Variants in ATP8B4 observed in about 807,000 individuals in gnomAD.
The protein encoded by ATP8B4 is probable phospholipid-transporting ATPase IM.
A neutral mutation model predicts 145.6 loss-of-function variants in ATP8B4; 133 were observed. The ratio of observed to expected loss-of-function variants is 0.91; its 90% CI spans 0.79 to 1.05. The LOEUF is 1.05. Ranked by LOEUF, ATP8B4 falls within the 50% of genes least tolerant of loss-of-function variation. The probability of loss-of-function intolerance (pLI) is 0.00; values close to 1 mark genes in which losing one functional copy is unlikely to be tolerated. For synonymous variants in ATP8B4, 507 were observed against 492.9 expected (o/e 1.03, Z -0.38); for missense variants, 1,458 against 1,425.2 (o/e 1.02, Z -0.37).
chr15:50,120,983 T>C (rs139099015), upstream of ATP8B4, among the ~76,000 whole-genome samples: 213 of 152,286 alleles, frequency 1.4e-3, 2 homozygotes, highest in African/African-American at 4.9e-3. Flanking sequence ...AAGTAGAGAC[T>C]CAATAAATTT....
chr15:50,025,393 C>G (rs1362870483), intron 6 of ATP8B4, among the ~76,000 whole-genome samples: 1 of 152,184 alleles, frequency 6.6e-6, no homozygotes, highest in Non-Finnish European at 1.5e-5. Context: ...TGCCCCTGCT[C>G]TTCTCTCCGC....
chr15:49,909,490 G>A lies in ATP8B4; in HGVS notation c.2141+7444C>T, dbSNP rs975371419. Among the ~76,000 whole-genome samples the A allele has an allele frequency of 2.0e-5, 3 of 152,042 alleles. No homozygotes were observed. In the South Asian group the frequency reaches 6.2e-4, roughly 32 times the overall value. The stretch of plus-strand genomic sequence containing the variant: ...CACTGTTTCTACTGCTGTCACCTGA[G>A]CAAGCCTCCTGGTGGCCCAAGAATC... On this transcript the variant is annotated intron_variant, in intron 20 of 27. Coordinates refer to ENST00000284509, the MANE Select transcript of ATP8B4 (RefSeq NM_024837.4).
At chr15:49,971,986 G>A (rs956643521) in intron 13 of ATP8B4, among the ~76,000 whole-genome samples, 1 of 152,124 alleles carries the variant, frequency 6.6e-6, no homozygotes, top group African/African-American at 2.4e-5. Context: ...CATGGGTGAG[G>A]CTGGAAACCA....
chr15:49,981,104 C>T lies in ATP8B4; in HGVS notation c.837+102G>A, dbSNP rs1599600143. 5 of 990,614 alleles carry T rather than the reference C, an allele frequency of 5.0e-6. No homozygotes were observed. In the East Asian group the frequency reaches 1.3e-4, roughly 25 times the overall value. 61.4% of individuals were successfully genotyped at this position (990,614 alleles called of 1,614,324 possible). ...CAAATGCAAAATCCCCAAAAACAAA[C>T]TCCACAAGGAGAATGTAGGCTTCTT... On this transcript the variant is annotated intron_variant, in intron 11 of 27. Coordinates refer to ENST00000284509, the MANE Select transcript of ATP8B4 (RefSeq NM_024837.4).
At chr15:50,155,414 C>G (rs1252390323) in intron 1 of ATP8B4, among the ~76,000 whole-genome samples, 1 of 151,954 alleles carries the variant, frequency 6.6e-6, no homozygotes, top group African/African-American at 2.4e-5. Context: ...CTTAAAACAA[C>G]TAATGAAGAA....
At chr15:49,941,811 G>A (rs1254705976) in intron 14 of ATP8B4, among the ~76,000 whole-genome samples, 2 of 152,142 alleles carry the variant, frequency 1.3e-5, no homozygotes, top group African/African-American at 2.4e-5. Flanking sequence ...CAACTGATGA[G>A]TAAATAAAGA....
chr15:50,048,667 C>G lies in ATP8B4; in HGVS notation c.88-1203G>C, dbSNP rs373642289. The stretch of plus-strand genomic sequence containing the variant: ...AGGTCGCAGTGAGCCGGAATTGCAC[C>G]ACTGCACTCCAGCCTGGGTGATGGA... On this transcript the variant is annotated intron_variant, in intron 3 of 27. Transcript: ENST00000284509. 9.3e-5 allele frequency among the ~76,000 whole-genome samples: 14 copies of G among 151,166 alleles called. No homozygotes were observed. In the East Asian group the frequency reaches 2.7e-3, roughly 30 times the overall value.
At chr15:50,053,929 A>T (rs1367986006) in intron 3 of ATP8B4, among the ~76,000 whole-genome samples, 1 of 152,244 alleles carries the variant, frequency 6.6e-6, no homozygotes, top group African/African-American at 2.4e-5. Flanking sequence ...CATTTGGAGC[A>T]TTTGGGAGAT....
chr15:50,100,117 A>G (rs1050176826), intron 2 of ATP8B4, among the ~76,000 whole-genome samples: 3 of 151,456 alleles, frequency 2.0e-5, no homozygotes, highest in African/African-American at 7.3e-5. Context: ...GAAAATTGTT[A>G]TTTCCCCACA....
chr15:50,147,438 AAAAG>A (rs1208303766), intron 1 of ATP8B4, among the ~76,000 whole-genome samples: 13 of 137,020 alleles, frequency 9.5e-5, no homozygotes, highest in African/African-American at 1.0e-4. Flanking sequence ...AAAAAAAAAA[AAAAG>A]TATATACTTC....
intron 5 of ATP8B4, among the ~76,000 whole-genome samples, chr15:50,039,715 T>A (rs2051124005): frequency 6.7e-6 from 1 of 150,206 alleles, no homozygotes; most frequent in South Asian, 2.1e-4. Context: ...ATCATCAGAA[T>A]GTTTTCTTTT....
intron 22 of ATP8B4, 148 bp from the exon 23 acceptor site, chr15:49,897,663 G>C: frequency 1.4e-6 from 1 of 701,814 alleles, no homozygotes; most frequent in South Asian, 3.8e-5. Flanking sequence ...ACTTATGATA[G>C]ATATTTCTCT....
intron 20 of ATP8B4, chr15:49,907,980 T>A: frequency 4.4e-6 from 2 of 454,134 alleles, no homozygotes; most frequent in South Asian, 3.1e-5. Flanking sequence ...GCACAGCCTC[T>A]GGGACCAAGC....
rs566177095 is a variant in ATP8B4, at chr15:50,010,097, A to C, written c.435+748T>G. ...TTTTTTCCCTGTGGTAAAATGTCTC[A>C]ACTTGATACACAAAATAGCACTCAA... On this transcript the variant is annotated intron_variant, in intron 7 of 27. Coordinates refer to ENST00000284509, the MANE Select transcript of ATP8B4 (RefSeq NM_024837.4). Among the ~76,000 whole-genome samples the C allele has an allele frequency of 8.0e-4, 122 of 152,268 alleles. 1 individual carries two copies. Among genetic ancestry groups the C allele is most frequent in the Non-Finnish European group, 1.5e-3 (103 of 68,024 alleles).
rs1415101009 is a variant in ATP8B4, at chr15:49,920,400, C to G, written c.1769G>C (p.Gly590Ala). Residue 590 changes from glycine to alanine, a missense_variant, in exon 18 of 28, where the codon GGG becomes GCG. Coordinates refer to ENST00000284509, the MANE Select transcript of ATP8B4 (RefSeq NM_024837.4). The stretch of plus-strand genomic sequence containing the variant: ...GATGGCCAAGGTCCGAAGGCCTTCC[C>G]CTGCAAATTCCTGCCAGAGATGACA... ...LTSDHLSEFA[G>A]EGLRTLAIAY... 6.2e-7 allele frequency: 1 copy of G among 1,612,310 alleles called. No homozygotes were observed. The highest frequency in any genetic ancestry group is 8.5e-7 in the Non-Finnish European group (1 of 1,179,314).
intron 1 of ATP8B4, among the ~76,000 whole-genome samples, chr15:50,173,824 G>A (rs1048807796): frequency 6.6e-6 from 1 of 151,956 alleles, no homozygotes; most frequent in Non-Finnish European, 1.5e-5. Context: ...CCAAAACCAG[G>A]AAAGGACATA....
At chr15:50,067,845 A>G (rs909537765) in intron 3 of ATP8B4, among the ~76,000 whole-genome samples, 6 of 152,160 alleles carry the variant, frequency 3.9e-5, no homozygotes, top group African/African-American at 1.4e-4. Context: ...CTTTTTGTAC[A>G]TTGCCGCAAA....
rs749142543 is a variant in ATP8B4 at position 49,876,448 on chromosome 15, G to T, written c.2857C>A (p.Arg953Ser). Residue 953 changes from arginine to serine, a missense_variant, in exon 25 of 28, where the codon CGT becomes AGT. Coordinates refer to ENST00000284509, the MANE Select transcript of ATP8B4 (RefSeq NM_024837.4). Reference protein sequence around the residue: ...PGQLNLLFNKRKFFICVLHGI... With the variant: ...PGQLNLLFNKSKFFICVLHGI... ...TGCAACACGCAAATGAAAAATTTAC[G>T]CTTGTTAAAAAGCAGATTCAGCTGT... 1 of 1,614,110 alleles carries T rather than the reference G, an allele frequency of 6.2e-7. No individual in the cohort carries two copies. Among genetic ancestry groups the T allele is most frequent in the Non-Finnish European group, 8.5e-7 (1 of 1,179,976 alleles).
chr15:50,165,132 C>T (rs1477557882), intron 1 of ATP8B4, among the ~76,000 whole-genome samples: 1 of 152,038 alleles, frequency 6.6e-6, no homozygotes, highest in Non-Finnish European at 1.5e-5. Flanking sequence ...TTACTGAAAC[C>T]TCTGTCTCCC....
Sources: gnomAD v4.1 joint callset for allele counts (sites outside exome capture counted in the v4.1 genomes callset) on GRCh38, gnomAD v4.1.1 for gene constraint, MANE v1.5 for transcripts, NCBI Gene and HGNC (gene_info 2026-07-23, HGNC 2026-07-21) for gene names.